ACAN: variants seen among roughly 807,000 people sequenced by gnomAD.
The protein encoded by ACAN is aggrecan.
ACAN carries 47 observed loss-of-function variants against 169.1 expected under a neutral mutation model. The ratio of observed to expected loss-of-function variants is 0.28; its 90% CI spans 0.22 to 0.35. The LOEUF (loss-of-function observed/expected upper bound fraction) is 0.35. Ranked by LOEUF, ACAN falls within the 10% of genes least tolerant of loss-of-function variation. The pLI is 1.00. For missense variants in ACAN, 2,716 were observed against 2,759.9 expected (o/e 0.98, Z 0.36); for synonymous variants, 1,115 against 1,112.2 (o/e 1.00, Z -0.05).
At chr15:88,832,466 C>G (rs1896389309) in intron 1 of ACAN, among the ~76,000 whole-genome samples, 1 of 151,984 alleles carries the variant, frequency 6.6e-6, no homozygotes, top group Non-Finnish European at 1.5e-5. Flanking sequence ...CAAAAATTAG[C>G]CAGGTATGGT....
At chr15:88,804,531 G>C (rs1895627784) in intron 1 of ACAN, among the ~76,000 whole-genome samples, 1 of 152,312 alleles carries the variant, frequency 6.6e-6, no homozygotes, top group African/African-American at 2.4e-5. Flanking sequence ...GGGGAGGGGA[G>C]TTGAGGACAC....
At chr15:88,824,220 A>C (rs1419596604) in intron 1 of ACAN, among the ~76,000 whole-genome samples, 1 of 151,638 alleles carries the variant, frequency 6.6e-6, no homozygotes, top group Non-Finnish European at 1.5e-5. Context: ...GCTACTCAGG[A>C]GGCTGAGGCA....
At position 88,861,884 on chromosome 15, in the gene ACAN, C is replaced by T. The variant is rs988624718; in HGVS notation, c.6946+1445C>T. 2.0e-5 allele frequency among the ~76,000 whole-genome samples: 3 copies of T among 152,214 alleles called. No homozygotes were observed. The highest frequency in any genetic ancestry group is 7.2e-5 in the African/African-American group (3 of 41,450). On this transcript the variant is annotated intron_variant, in intron 13 of 18. Transcript: ENST00000560601. The surrounding 1 kb of genome is among the most constrained non-coding windows in gnomAD (Gnocchi z 6.3). ...GGCCGTAACTATTCTGCTGTAAGGA[C>T]AGCCTCTCTGTGATCATGTATATTT...
intron 1 of ACAN, among the ~76,000 whole-genome samples, chr15:88,831,340 C>G (rs962993548): frequency 6.6e-6 from 1 of 152,200 alleles, no homozygotes; most frequent in Non-Finnish European, 1.5e-5. Context: ...ATGCACATCA[C>G]AAGGAAGCAG....
In ACAN at chr15:88,843,389, C is replaced by T; in HGVS notation, c.792C>T (p.Phe264=). 2 of 1,596,890 alleles carry T rather than the reference C, an allele frequency of 1.3e-6. No individual in the cohort carries two copies. Among genetic ancestry groups the T allele is most frequent in the Non-Finnish European group, 1.7e-6 (2 of 1,167,828 alleles). ...TTTATGCAACATCTCCAGAGAAGTT[C>T]ACCTTCCAGGAAGCAGCCAATGAGT... ...EVFYATSPEK[F]TFQEAANECR... Residue 264 remains phenylalanine, a synonymous_variant, in exon 6 of 19, where the codon TTC becomes TTT. Coordinates refer to ENST00000560601, the MANE Select transcript of ACAN (RefSeq NM_001369268.1). The surrounding 1 kb of genome is among the most constrained non-coding windows in gnomAD (Gnocchi z 4.0).
intron 1 of ACAN, among the ~76,000 whole-genome samples, chr15:88,834,246 C>G (rs369473994): frequency 6.6e-6 from 1 of 152,216 alleles, no homozygotes; most frequent in African/African-American, 2.4e-5. Context: ...CACGCCATAC[C>G]CCCAGCAGCA....
rs189370349 is a variant in ACAN, at chr15:88,869,777, A to T, written c.7060+1448A>T. 2.6e-5 allele frequency among the ~76,000 whole-genome samples: 4 copies of T among 152,238 alleles called. No homozygotes were observed. Among genetic ancestry groups the T allele is most frequent in the Admixed American group, 6.5e-5 (1 of 15,302 alleles). The stretch of plus-strand genomic sequence containing the variant: ...TAAGCAGGGCTGCATCTCCTCTCCC[A>T]TTCCAATCCTGAGTCCTCACCACTC... On this transcript the variant is annotated intron_variant, in intron 14 of 18. Transcript: ENST00000560601. This position sits in a 1 kb window ranked among gnomAD's most constrained non-coding sequence, Gnocchi z 4.2.
At chr15:88,818,434 A>G (rs1895994994) in intron 1 of ACAN, among the ~76,000 whole-genome samples, 2 of 152,202 alleles carry the variant, frequency 1.3e-5, no homozygotes, top group South Asian at 4.1e-4. Context: ...TCCTCCTGGT[A>G]GGTGTGTGTC....
rs1896814435 is a variant in ACAN, at chr15:88,847,267, G to C, written c.1454G>C (p.Gly485Ala). The C allele has an allele frequency of 6.4e-7, 1 of 1,561,606 alleles. No individual in the cohort carries two copies. The highest frequency in any genetic ancestry group is 1.2e-5 in the South Asian group (1 of 84,550). ...GGGGTCGTCTTCCACTACCGCCCGGGACCCACCCGCTACTCGCTGACCTTT... is the reference window on the plus strand; with the variant it reads ...GGGGTCGTCTTCCACTACCGCCCGGCACCCACCCGCTACTCGCTGACCTTT... ...PGGVVFHYRP[G>A]PTRYSLTFEE... The change falls in exon 8 of 19, where the codon GGA (glycine) becomes GCA (alanine). Residue 485 changes from glycine (G) to alanine (A), a missense_variant. Gly to Ala is a moderately conservative substitution (Grantham distance 60). Coordinates refer to ENST00000560601, the MANE Select transcript of ACAN (RefSeq NM_001369268.1).
chr15:88,824,807 A>T (rs1896169776), intron 1 of ACAN, among the ~76,000 whole-genome samples: 1 of 151,460 alleles, frequency 6.6e-6, no homozygotes, highest in Non-Finnish European at 1.5e-5. Flanking sequence ...TGAGCCCGGG[A>T]GGTGGAGGTT....
chr15:88,805,517 C>T (rs1482240611), intron 1 of ACAN, among the ~76,000 whole-genome samples: 2 of 152,176 alleles, frequency 1.3e-5, no homozygotes, highest in Non-Finnish European at 1.5e-5. Context: ...GATATTCTTA[C>T]GTGTAGTTTC....
At chr15:88,837,413 CTTAACAA>C (rs1451280383) in intron 2 of ACAN, among the ~76,000 whole-genome samples, 1 of 152,216 alleles carries the variant, frequency 6.6e-6, no homozygotes, top group East Asian at 1.9e-4. Context: ...GGACATAGAA[CTTAACAA>C]TCTGTTGGCC....
Position 88,860,344 on chromosome 15 carries a change from C to T in ACAN, c.6851C>T (p.Ala2284Val). Residue 2284 changes from alanine (A) to valine (V), a missense_variant, in exon 13 of 19, where the codon GCA (alanine) becomes GTA (valine). Around this residue, in one of 3 missense-constraint regions of ACAN, gnomAD observed 1,389 missense variants for 1,363.7 expected, o/e 1.02. Coordinates refer to ENST00000560601, the MANE Select transcript of ACAN (RefSeq NM_001369268.1). ...GTTGCAGCCCCCGCCAGGTCCTGTG[C>T]AGAGGAGCCCTGTGGAGCTGGGACC... ...STAAAPARSC[A>V]EEPCGAGTCK... 3.1e-6 allele frequency: 5 copies of T among 1,612,554 alleles called. No individual in the cohort carries two copies. The highest frequency in any genetic ancestry group is 4.2e-6 in the Non-Finnish European group (5 of 1,179,550).
In ACAN at chr15:88,843,502, T is replaced by C. The variant is rs1430909928; in HGVS notation, c.905T>C (p.Leu302Pro). The C allele has an allele frequency of 6.2e-7, 1 of 1,612,326 alleles. No individual in the cohort carries two copies. Residue 302 changes from leucine to proline, a missense_variant, in exon 6 of 19, where the codon CTG becomes CCG. By Grantham distance (98) the Leu-to-Pro change is moderately conservative (BLOSUM62 -3). Transcript: ENST00000560601. This position sits in a 1 kb window ranked among gnomAD's most constrained non-coding sequence, Gnocchi z 4.0. ...AGMDMCSAGW[L>P]ADRSVRYPIS... ...ATGGACATGTGCAGCGCCGGCTGGC[T>C]GGCCGACCGCAGCGTGCGCTACCCC... is the stretch of plus-strand genomic sequence containing the variant.
chr15:88,808,151 T>G (rs1895733049), intron 1 of ACAN, among the ~76,000 whole-genome samples: 1 of 152,176 alleles, frequency 6.6e-6, no homozygotes. Flanking sequence ...ACAGCCTCCC[T>G]CAGCTCCCTG....
chr15:88,807,532 C>A lies in ACAN; in HGVS notation c.-8+3723C>A, dbSNP rs953186162. ...AGCCATCCCTGCGAGGGAGTCTGGGCCCCTGGACGCAGTTGAAGAAGGGCC... is the reference window on the plus strand; with the variant it reads ...AGCCATCCCTGCGAGGGAGTCTGGGACCCTGGACGCAGTTGAAGAAGGGCC... On this transcript the variant is annotated intron_variant, in intron 1 of 18. Coordinates refer to ENST00000560601, the MANE Select transcript of ACAN (RefSeq NM_001369268.1). This position sits in a 1 kb window ranked among gnomAD's most constrained non-coding sequence, Gnocchi z 4.0. 6.6e-6 allele frequency among the ~76,000 whole-genome samples: 1 copy of A among 152,074 alleles called. No homozygotes were observed. Among genetic ancestry groups the A allele is most frequent in the African/African-American group, 2.4e-5 (1 of 41,404 alleles).
intron 1 of ACAN, among the ~76,000 whole-genome samples, chr15:88,832,799 C>CAA (rs1896396796): frequency 6.6e-6 from 1 of 152,214 alleles, no homozygotes; most frequent in Non-Finnish European, 1.5e-5. Context: ...AACTCTCTTC[C>CAA]AATCCCCCAG....
chr15:88,842,578 T>TGGC (rs768291136), intron 5 of ACAN, among the ~76,000 whole-genome samples: 44 of 149,230 alleles, frequency 2.9e-4, no homozygotes, highest in Non-Finnish European at 5.7e-4. Flanking sequence ...AGCTGACAAC[T>TGGC]GGCACTTTCT....
rs926524459 is a variant in ACAN, at chr15:88,866,385, G to A, written c.6947-1831G>A. Among the ~76,000 whole-genome samples, 1 of 152,162 alleles carries A rather than the reference G, an allele frequency of 6.6e-6. No individual in the cohort carries two copies. Among genetic ancestry groups the A allele is most frequent in the Non-Finnish European group, 1.5e-5 (1 of 68,036 alleles). On this transcript the variant is annotated intron_variant, in intron 13 of 18. Transcript: ENST00000560601. This position sits in a 1 kb window ranked among gnomAD's most constrained non-coding sequence, Gnocchi z 5.6. The stretch of plus-strand genomic sequence containing the variant: ...GACGCTAATGGATAAAAGAGAACAG[G>A]CAGGAGAGCCGCCCCCAGCTTCCGC...
Sources: allele counts gnomAD v4.1 joint callset (sites outside exome capture counted in the v4.1 genomes callset), GRCh38; gene constraint gnomAD v4.1.1; regional missense constraint gnomAD v4.1.1; non-coding constraint Gnocchi (gnomAD v3.1); transcripts MANE v1.5; gene names NCBI Gene and HGNC (gene_info 2026-07-23, HGNC 2026-07-21).